The following CA10 variants were observed in gnomAD, a reference collection of about 807,000 sequenced individuals.
CA10 encodes carbonic anhydrase 10 (inactive), also known as carbonic anhydrase-related protein 10.
A neutral mutation model predicts 44.2 loss-of-function variants in CA10; 14 were observed. That is an observed-to-expected ratio of 0.32 (90% confidence interval 0.21 to 0.50). CA10 has a LOEUF of 0.50. Ranked by LOEUF, CA10 falls within the 20% of genes least tolerant of loss-of-function variation. CA10 has a pLI of 0.99. For missense variants in CA10, 350 were observed against 409.7 expected, an observed-to-expected ratio of 0.85 and a Z score of 1.26; for synonymous variants, 159 against 141.6, an observed-to-expected ratio of 1.12 and a Z score of -0.87.
At chr17:51,710,851 C>T (rs1390225500) in intron 4 of CA10, among the ~76,000 whole-genome samples, 4 of 151,432 alleles carry the variant, frequency 2.6e-5, no homozygotes, top group Non-Finnish European at 5.9e-5. Context: ...TTCTGGCCTC[C>T]TGAAGTTCAT....
At chr17:51,634,147 G>A (rs1402696721) in intron 7 of CA10, among the ~76,000 whole-genome samples, 4 of 152,222 alleles carry the variant, frequency 2.6e-5, no homozygotes, top group African/African-American at 9.6e-5. Flanking sequence ...GGACTGTGAG[G>A]CAAAAGAAGA....
intron 4 of CA10, among the ~76,000 whole-genome samples, chr17:51,654,775 C>G (rs1457056867): frequency 2.0e-5 from 3 of 152,094 alleles, no homozygotes; most frequent in African/African-American, 7.2e-5. Context: ...CCAGGATGGT[C>G]TCCATCTCCT....
intron 4 of CA10, among the ~76,000 whole-genome samples, chr17:51,679,456 T>A (rs1020522333): frequency 7.3e-5 from 11 of 151,686 alleles, no homozygotes; most frequent in South Asian, 2.1e-4. Flanking sequence ...AGAGATGGGG[T>A]TTCACCGTGT....
chr17:52,036,631 T>C (rs1986626267), intron 2 of CA10, among the ~76,000 whole-genome samples: 1 of 152,124 alleles, frequency 6.6e-6, no homozygotes, highest in Non-Finnish European at 1.5e-5. Context: ...TGCTTCACAG[T>C]AGGAATTCTG....
intron 3 of CA10, among the ~76,000 whole-genome samples, chr17:51,872,422 C>T (rs934326921): frequency 6.6e-5 from 10 of 152,154 alleles, no homozygotes; most frequent in African/African-American, 2.4e-4. Context: ...GCACCCCAAA[C>T]CATTGTTTCT....
intron 2 of CA10, among the ~76,000 whole-genome samples, chr17:52,041,646 T>C (rs746723454): frequency 1.3e-5 from 2 of 152,092 alleles, no homozygotes; most frequent in African/African-American, 4.8e-5. Context: ...ATATTAAGTA[T>C]AGTCACCATG....
intron 2 of CA10, among the ~76,000 whole-genome samples, chr17:51,997,145 C>T (rs755890027): frequency 1.3e-5 from 2 of 152,024 alleles, no homozygotes; most frequent in African/African-American, 2.4e-5. Flanking sequence ...ATGTTCAATC[C>T]AGATTGATCC....
chr17:52,013,488 GC>G (rs1279100929), intron 2 of CA10, among the ~76,000 whole-genome samples: 2 of 151,858 alleles, frequency 1.3e-5, no homozygotes, highest in African/African-American at 4.8e-5. Flanking sequence ...GCTATGATTA[GC>G]TAAAGAGGGC....
At chr17:51,865,357 C>A (rs1205355805) in intron 3 of CA10, among the ~76,000 whole-genome samples, 1 of 152,202 alleles carries the variant, frequency 6.6e-6, no homozygotes, top group Non-Finnish European at 1.5e-5. Flanking sequence ...GGGTCTGGAA[C>A]ATGGTAGGTG....
chr17:51,719,924 A>G (rs1916298872), intron 4 of CA10, among the ~76,000 whole-genome samples: 1 of 152,152 alleles, frequency 6.6e-6, no homozygotes, highest in Non-Finnish European at 1.5e-5. Flanking sequence ...GCAGCCTTTT[A>G]AGGAGGCAAT....
In CA10 at chr17:51,984,331, C is replaced by T. The variant is rs1984754557; in HGVS notation, c.137-53199G>A. Among the ~76,000 whole-genome samples, 2 of 151,694 alleles carry T rather than the reference C, an allele frequency of 1.3e-5. 1 individual carries two copies. The highest frequency in any genetic ancestry group is 4.2e-4 in the South Asian group (2 of 4,818). On this transcript the variant is annotated intron_variant, in intron 2 of 8. Coordinates refer to ENST00000451037, the MANE Select transcript of CA10 (RefSeq NM_020178.5). ...TGAACAAAAATAATGACACAACCTA[C>T]CAAAACCTCTGGAATACAGCAAAGG...
At chr17:52,036,705 CAT>C (rs1986628846) in intron 2 of CA10, among the ~76,000 whole-genome samples, 1 of 152,138 alleles carries the variant, frequency 6.6e-6, no homozygotes, top group African/African-American at 2.4e-5. Context: ...TTCTTCCAAA[CAT>C]AGGGATAATA....
intron 1 of CA10, among the ~76,000 whole-genome samples, chr17:52,154,329 T>A (rs567227128): frequency 1.3e-5 from 2 of 152,170 alleles, no homozygotes; most frequent in Non-Finnish European, 2.9e-5. Flanking sequence ...CCACAAATTC[T>A]AAGAATAGAT....
chr17:52,001,196 T>G (rs182452027), intron 2 of CA10, among the ~76,000 whole-genome samples: 2 of 152,088 alleles, frequency 1.3e-5, no homozygotes, highest in Admixed American at 1.3e-4. Context: ...AAGAATGTTT[T>G]TAAATTTTCA....
In CA10 at chr17:51,977,311, C is replaced by A. The variant is rs1047425097; in HGVS notation, c.137-46179G>T. Among the ~76,000 whole-genome samples the A allele has an allele frequency of 1.7e-4, 25 of 151,498 alleles. 1 individual carries two copies. Among genetic ancestry groups the A allele is most frequent in the Non-Finnish European group, 2.9e-5 (2 of 67,824 alleles). On this transcript the variant is annotated intron_variant, in intron 2 of 8. Transcript: ENST00000451037. ...TAACAAAATATTAGTAAACAAAACC[C>A]AATAACACATTTTTTTAAAAAAAGG...
intron 2 of CA10, among the ~76,000 whole-genome samples, chr17:52,065,419 T>C (rs1225968454): frequency 6.6e-6 from 1 of 152,222 alleles, no homozygotes; most frequent in Non-Finnish European, 1.5e-5. Flanking sequence ...GGAATATTGC[T>C]GTCTATTCTG....
At chr17:52,138,380 C>T (rs1250458396) in intron 1 of CA10, among the ~76,000 whole-genome samples, 1 of 152,110 alleles carries the variant, frequency 6.6e-6, no homozygotes, top group African/African-American at 2.4e-5. Context: ...GTAAAATAAA[C>T]ATATTCATAG....
chr17:51,871,441 T>A (rs1979810319), intron 3 of CA10, among the ~76,000 whole-genome samples: 1 of 134,896 alleles, frequency 7.4e-6, no homozygotes, highest in Non-Finnish European at 1.5e-5. Context: ...GGCTTCACCA[T>A]GTTGGCCAGG....
intron 2 of CA10, among the ~76,000 whole-genome samples, chr17:51,938,928 CT>C (rs1340146148): frequency 6.6e-6 from 1 of 151,962 alleles, no homozygotes; most frequent in Non-Finnish European, 1.5e-5. Context: ...AGATCAGTTT[CT>C]TTCTTTAAAA....
Sources: gnomAD v4.1 joint callset for allele counts (sites outside exome capture counted in the v4.1 genomes callset) on GRCh38, gnomAD v4.1.1 for gene constraint, MANE v1.5 for transcripts, NCBI Gene and HGNC (gene_info 2026-07-23, HGNC 2026-07-21) for gene names.